LINGO2: variants seen among roughly 807,000 people sequenced by gnomAD.
The protein encoded by LINGO2 is leucine-rich repeat and immunoglobulin-like domain-containing nogo receptor-interacting protein 2.
In LINGO2, 14 loss-of-function variants were observed where a neutral mutation model predicts 30.6. The ratio of observed to expected loss-of-function variants is 0.46; its 90% confidence interval spans 0.30 to 0.72. The LOEUF (loss-of-function observed/expected upper bound fraction) is 0.72. LINGO2 is among the 30% of genes least tolerant of loss of function. LINGO2 has a pLI of 0.07. For missense variants in LINGO2, 729 were observed against 751.7 expected (o/e 0.97, Z 0.35); for synonymous variants, 317 against 288.5 (o/e 1.10, Z -1.00).
At chr9:28,120,491 C>G (rs1827063446) in intron 4 of LINGO2, among the ~76,000 whole-genome samples, 1 of 152,116 alleles carries the variant, frequency 6.6e-6, no homozygotes, top group African/African-American at 2.4e-5. Context: ...AGGGAAGAAA[C>G]TTGGTAACAC....
At chr9:28,327,285 T>C (rs918019759) in intron 3 of LINGO2, among the ~76,000 whole-genome samples, 19 of 152,210 alleles carry the variant, frequency 1.2e-4, no homozygotes, top group Non-Finnish European at 1.9e-4. Flanking sequence ...GCAGCCCATG[T>C]GGACTAAGAA....
At chr9:27,945,345 A>T (rs1344635236), downstream of LINGO2, among the ~76,000 whole-genome samples, 2 of 152,146 alleles carry the variant, frequency 1.3e-5, no homozygotes, top group African/African-American at 2.4e-5. Flanking sequence ...GTCACAGAAG[A>T]CTGCAACTTC....
the LINGO2 span, among the ~76,000 whole-genome samples, chr9:29,189,536 G>A: frequency 6.6e-6 from 1 of 151,610 alleles, no homozygotes; most frequent in Non-Finnish European, 1.5e-5. Flanking sequence ...GACGATGGGA[G>A]GCCAGGCAGA....
chr9:28,040,341 C>G (rs933904702), intron 4 of LINGO2, among the ~76,000 whole-genome samples: 3 of 151,902 alleles, frequency 2.0e-5, no homozygotes, highest in African/African-American at 7.3e-5. Flanking sequence ...ATTTCAAAAA[C>G]TGCTGAATTG....
intron 1 of LINGO2, among the ~76,000 whole-genome samples, chr9:28,588,026 G>A (rs2135689617): frequency 6.6e-6 from 1 of 152,122 alleles, no homozygotes. Flanking sequence ...TAACTTCTCT[G>A]AGGTCACATA....
chr9:28,043,646 T>C (rs1273415695), intron 4 of LINGO2, among the ~76,000 whole-genome samples: 2 of 152,174 alleles, frequency 1.3e-5, no homozygotes, highest in Non-Finnish European at 2.9e-5. Flanking sequence ...TTAACCCTCA[T>C]GTACCCATCA....
intron 4 of LINGO2, among the ~76,000 whole-genome samples, chr9:28,136,579 C>T (rs1827523796): frequency 1.3e-5 from 2 of 152,154 alleles, no homozygotes; most frequent in Admixed American, 1.3e-4. Context: ...TGGTGATTAA[C>T]ATAAACATGA....
chr9:28,720,550 T>G, the LINGO2 span, among the ~76,000 whole-genome samples: 1 of 152,070 alleles, frequency 6.6e-6, no homozygotes, highest in Non-Finnish European at 1.5e-5. Flanking sequence ...AAAAAATTTC[T>G]GTCACTGATG....
intron 4 of LINGO2, among the ~76,000 whole-genome samples, chr9:28,230,368 G>A (rs902747116): frequency 5.3e-5 from 8 of 151,822 alleles, no homozygotes; most frequent in African/African-American, 1.9e-4. Context: ...ACAATCAAAT[G>A]ACAAATGTCA....
the LINGO2 span, among the ~76,000 whole-genome samples, chr9:28,870,793 AG>A: frequency 1.3e-5 from 2 of 152,128 alleles, no homozygotes; most frequent in African/African-American, 4.8e-5. Context: ...AATATCAACA[AG>A]TATGGGAAAA....
At chr9:28,853,710 G>A in the LINGO2 span, among the ~76,000 whole-genome samples, 1 of 151,936 alleles carries the variant, frequency 6.6e-6, no homozygotes, top group African/African-American at 2.4e-5. Context: ...ATTGCAAGCA[G>A]GGGATATGCC....
chr9:29,140,405 T>C, the LINGO2 span, among the ~76,000 whole-genome samples: 1 of 151,334 alleles, frequency 6.6e-6, no homozygotes, highest in Non-Finnish European at 1.5e-5. Context: ...ATTTAAAAGC[T>C]CAACAGAGGG....
chr9:29,091,081 A>G, the LINGO2 span, among the ~76,000 whole-genome samples: 1 of 152,048 alleles, frequency 6.6e-6, no homozygotes, highest in African/African-American at 2.4e-5. Flanking sequence ...CATCTTTTCT[A>G]TTTGTCCAGC....
intron 5 of LINGO2, among the ~76,000 whole-genome samples, chr9:28,001,680 G>A (rs971270073): frequency 1.3e-5 from 2 of 149,416 alleles, no homozygotes; most frequent in Admixed American, 6.8e-5. Context: ...TTAAAGCAGA[G>A]AAGAGAAAGC....
the LINGO2 span, among the ~76,000 whole-genome samples, chr9:28,961,676 A>G: frequency 6.6e-6 from 1 of 152,202 alleles, no homozygotes; most frequent in Non-Finnish European, 1.5e-5. Flanking sequence ...TCTGTGCTGA[A>G]TTTATACAGA....
intron 4 of LINGO2, among the ~76,000 whole-genome samples, chr9:28,242,101 C>G (rs962560848): frequency 1.3e-5 from 2 of 152,056 alleles, no homozygotes; most frequent in Non-Finnish European, 2.9e-5. Flanking sequence ...CCAACAGGGG[C>G]CAGAATTGGA....
chr9:29,158,798 G>C, the LINGO2 span, among the ~76,000 whole-genome samples: 1 of 152,198 alleles, frequency 6.6e-6, no homozygotes, highest in East Asian at 1.9e-4. Flanking sequence ...GAAAGAGAGA[G>C]CAAGAGAGAG....
intron 4 of LINGO2, among the ~76,000 whole-genome samples, chr9:28,212,968 T>TAC (rs1387712029): frequency 6.6e-6 from 1 of 151,556 alleles, no homozygotes; most frequent in Non-Finnish European, 1.5e-5. Flanking sequence ...ACTGGATCCT[T>TAC]ACACACACAT....
At chr9:28,729,624 A>G in the LINGO2 span, among the ~76,000 whole-genome samples, 16 of 152,194 alleles carry the variant, frequency 1.1e-4, no homozygotes, top group African/African-American at 3.8e-4. Flanking sequence ...AAAACTTAAA[A>G]AAAACAGAGT....
Sources: gnomAD v4.1 joint callset for allele counts (sites outside exome capture counted in the v4.1 genomes callset) on GRCh38, gnomAD v4.1.1 for gene constraint, MANE v1.5 for transcripts, NCBI Gene and HGNC (gene_info 2026-07-23, HGNC 2026-07-21) for gene names.